PTPRF: variants seen among roughly 807,000 people sequenced by gnomAD.
The protein encoded by PTPRF is receptor-type tyrosine-protein phosphatase F.
A neutral mutation model predicts 201.8 loss-of-function variants in PTPRF; 59 were observed. The observed-to-expected ratio is 0.29, with a 90% CI of 0.24 to 0.36. The LOEUF is 0.36. Ranked by LOEUF, PTPRF falls within the 10% of genes least tolerant of loss-of-function variation. PTPRF has a pLI of 1.00. For synonymous variants in PTPRF, 1,088 were observed against 1,089.7 expected, an observed-to-expected ratio of 1.00 and a Z score of 0.03; for missense variants, 2,132 against 2,690.5, an observed-to-expected ratio of 0.79 and a Z score of 4.59.
At chr1:43,575,975 C>T (rs371669814) in intron 6 of PTPRF, 9 of 1,359,350 alleles carry the variant, frequency 6.6e-6, no homozygotes, top group South Asian at 4.6e-5. Context: ...TTGCCACTGC[C>T]GTCACCTCCA....
At chr1:43,550,078 CG>C (rs142888933) in intron 3 of PTPRF, among the ~76,000 whole-genome samples, 2,194 of 147,042 alleles carry the variant, frequency 0.015, 58 homozygotes, top group African/African-American at 0.051. Flanking sequence ...AAGCGGAGGG[CG>C]AGGCCTGGTT....
intron 5 of PTPRF, among the ~76,000 whole-genome samples, chr1:43,567,243 C>G (rs759477015): frequency 3.9e-5 from 6 of 152,156 alleles, no homozygotes; most frequent in Non-Finnish European, 8.8e-5. Flanking sequence ...CCCTGCACCT[C>G]TGGTCCCCCT....
chr1:43,587,472 C>G (rs960472341), intron 7 of PTPRF, among the ~76,000 whole-genome samples: 18 of 152,100 alleles, frequency 1.2e-4, no homozygotes, highest in African/African-American at 4.1e-4. Flanking sequence ...AGTTTTGACC[C>G]CTGTATGGTG....
intron 5 of PTPRF, among the ~76,000 whole-genome samples, chr1:43,564,334 C>G (rs756030152): frequency 6.6e-6 from 1 of 152,144 alleles, no homozygotes; most frequent in Non-Finnish European, 1.5e-5. Context: ...TGTGGAGCGG[C>G]TGAAGGGCAG....
At chr1:43,532,058 C>A (rs1353984762) in intron 1 of PTPRF, among the ~76,000 whole-genome samples, 2 of 152,140 alleles carry the variant, frequency 1.3e-5, no homozygotes, top group East Asian at 3.9e-4. Flanking sequence ...GTTCCCTGTC[C>A]CTGAGTCTGT....
At chr1:43,597,620 T>C in intron 11 of PTPRF, 128 bp from the exon 12 acceptor site, 2 of 707,918 alleles carry the variant, frequency 2.8e-6, no homozygotes, top group Non-Finnish European at 4.7e-6. Context: ...GGAGGGACCC[T>C]GGGATGGCCA....
upstream of PTPRF, among the ~76,000 whole-genome samples, chr1:43,527,471 C>T (rs1038368870): frequency 1.1e-4 from 17 of 152,242 alleles, no homozygotes; most frequent in African/African-American, 2.2e-4. Flanking sequence ...TTCCAGATGG[C>T]GTACATGCAG....
chr1:43,569,825 G>A lies in PTPRF; in HGVS notation c.568+47G>A, dbSNP rs566225293. 16 of 1,548,198 alleles carry A rather than the reference G, an allele frequency of 1.0e-5. No individual in the cohort carries two copies. In the African/African-American group the frequency reaches 2.2e-4, roughly 21 times the overall value. On this transcript the variant is annotated intron_variant, in intron 6 of 33. Transcript: ENST00000359947. ...AGGGGCCATGCAGACCTCAGAACAA[G>A]CGTCTTGTCAGATCCCAGCACAGCC...
chr1:43,539,366 C>G (rs1054114866), intron 2 of PTPRF, among the ~76,000 whole-genome samples: 1 of 152,088 alleles, frequency 6.6e-6, no homozygotes, highest in Admixed American at 6.6e-5. Context: ...GGAATTGGGG[C>G]AGATGAGTTC....
At chr1:43,570,973 C>T (rs1427300012) in intron 6 of PTPRF, among the ~76,000 whole-genome samples, 1 of 152,242 alleles carries the variant, frequency 6.6e-6, no homozygotes, top group Non-Finnish European at 1.5e-5. Context: ...CAGGCAGGCT[C>T]CCCAAGCAGC....
In PTPRF at chr1:43,622,897, GA is replaced by G. The variant is rs879143289; in HGVS notation, c.*905del. The G allele has an allele frequency of 3.3e-4, 48 of 146,082 alleles. No homozygotes were observed. The East Asian group carries it at 3.4e-3, about 10-fold the overall frequency. 9.0% of individuals were successfully genotyped at this position (146,082 alleles called of 1,614,324 possible). On this transcript the variant is annotated 3_prime_UTR_variant, in exon 34 of 34. Transcript: ENST00000359947. Reference sequence around the variant, plus strand: ...AAAACAAAAAAAACAAAAAACCCAAGAAAAAAAAAAAGAGTCAGCCCTTGGC... The same window carrying G: ...AAAACAAAAAAAACAAAAAACCCAAGAAAAAAAAAAGAGTCAGCCCTTGGC...
At chr1:43,557,506 C>A (rs776324511) in intron 5 of PTPRF, among the ~76,000 whole-genome samples, 4 of 152,092 alleles carry the variant, frequency 2.6e-5, no homozygotes, top group Admixed American at 6.5e-5. Context: ...TGGTGGCGCA[C>A]GCCTGTAGTC....
rs537771954 is a variant in PTPRF, at chr1:43,565,250, T to G, written c.380-4340T>G. ...GGTTAGCCAAGCGCTCATCCACTTC[T>G]GAACCTTGGATTCCCACCATCGACC... is the stretch of plus-strand genomic sequence containing the variant. On this transcript the variant is annotated intron_variant, in intron 5 of 33. Coordinates refer to ENST00000359947, the MANE Select transcript of PTPRF (RefSeq NM_002840.5). 1.5e-3 allele frequency among the ~76,000 whole-genome samples: 235 copies of G among 152,278 alleles called. 1 individual carries two copies. Among genetic ancestry groups the G allele is most frequent in the African/African-American group, 5.5e-3 (229 of 41,556 alleles).
chr1:43,609,576 C>T (rs770645545), intron 22 of PTPRF, 78 bp downstream of exon 22: 6 of 1,101,470 alleles, frequency 5.4e-6, no homozygotes, highest in South Asian at 2.7e-5. Flanking sequence ...GTCTCAGGGT[C>T]GCCACTGAAG....
chr1:43,589,084 G>A, intron 8 of PTPRF, 84 bp downstream of exon 8: 1 of 1,426,670 alleles, frequency 7.0e-7, no homozygotes, highest in South Asian at 1.5e-5. Context: ...TGGCTGCCAT[G>A]GGCACAGGCA....
chr1:43,547,930 C>T (rs374346829), intron 3 of PTPRF, among the ~76,000 whole-genome samples: 34 of 152,310 alleles, frequency 2.2e-4, no homozygotes, highest in African/African-American at 8.2e-4. Context: ...TTTTGCTGAT[C>T]TCAAGTGCGT....
At chr1:43,541,531 C>T (rs974688467) in intron 2 of PTPRF, among the ~76,000 whole-genome samples, 68 of 152,294 alleles carry the variant, frequency 4.5e-4, no homozygotes, top group African/African-American at 1.3e-3. Flanking sequence ...TTTGGTTTCA[C>T]GAACCAATAC....
rs1049701267 is a variant in PTPRF, at chr1:43,596,732, A to T, written c.1814-1016A>T. Among the ~76,000 whole-genome samples the T allele has an allele frequency of 2.6e-5, 4 of 152,208 alleles. No individual in the cohort carries two copies. In the South Asian group the frequency reaches 8.3e-4, roughly 32 times the overall value. On this transcript the variant is annotated intron_variant, in intron 11 of 33. Transcript: ENST00000359947. ...AAGAGCAGAACCGTGGGCACAGCAG[A>T]TGTGAAGCAGTTCTCCATATGTGGC...
Position 43,619,074 on chromosome 1 carries a change from G to A in PTPRF, c.4518G>A (p.Leu1506=), listed in dbSNP as rs1396309565. The change falls in exon 27 of 34, where the codon CTG becomes CTA. Residue 1506 remains leucine, a synonymous_variant. Coordinates refer to ENST00000359947, the MANE Select transcript of PTPRF (RefSeq NM_002840.5). ...GTGGCTCCAGTGAGAAGCGCGAGCT[G>A]CGTCAGTTTCAGTTCATGGCCTGGC... is the stretch of plus-strand genomic sequence containing the variant. The part of the protein sequence containing the change: ...HKSGSSEKRE[L]RQFQFMAWPD... 2 of 1,613,856 alleles carry A rather than the reference G, an allele frequency of 1.2e-6. No homozygotes were observed. Among genetic ancestry groups the A allele is most frequent in the South Asian group, 1.1e-5 (1 of 91,090 alleles).
Sources: allele counts gnomAD v4.1 joint callset (sites outside exome capture counted in the v4.1 genomes callset), GRCh38; gene constraint gnomAD v4.1.1; transcripts MANE v1.5; gene names NCBI Gene and HGNC (gene_info 2026-07-23, HGNC 2026-07-21).